The following SLC22A24 variants were observed in gnomAD, a reference collection of about 807,000 sequenced individuals.
SLC22A24 encodes the protein steroid transmembrane transporter SLC22A24.
A neutral mutation model predicts 49.8 loss-of-function variants in SLC22A24; 53 were observed. The observed-to-expected ratio is 1.06, with a 90% confidence interval of 0.85 to 1.34. The LOEUF is 1.34. Among genes scored for constraint, SLC22A24 ranks in the 40% most tolerant of loss-of-function variants. The probability of loss-of-function intolerance (pLI) is 0.00; values close to 1 mark genes in which losing one functional copy is unlikely to be tolerated. For missense variants in SLC22A24, 786 were observed against 675.9 expected (o/e 1.16, Z -1.81); for synonymous variants, 302 against 256.4 (o/e 1.18, Z -1.70).
intron 4 of SLC22A24, 96 bp from the exon 5 acceptor site, chr11:63,104,394 C>A: frequency 7.6e-7 from 1 of 1,313,028 alleles, no homozygotes; most frequent in Non-Finnish European, 1.0e-6. Context: ...TTAATACAGA[C>A]ATTATAAATT....
chr11:63,111,273 G>A (rs1180697391), intron 4 of SLC22A24, among the ~76,000 whole-genome samples: 3 of 151,760 alleles, frequency 2.0e-5, no homozygotes, highest in African/African-American at 2.4e-5. Context: ...GAGGATATTT[G>A]CATCAATGTT....
In SLC22A24 at chr11:63,119,344, T is replaced by C. The variant is rs748736693; in HGVS notation, c.507-9A>G. On this transcript the variant is annotated splice_polypyrimidine_tract_variant and intron_variant, in intron 2 of 9. Transcript: ENST00000612278. The stretch of plus-strand genomic sequence containing the variant: ...TGATCTTCCGTCCAACCCTAAGAAA[T>C]ATTAAACCAGATAACGTTACTTAGG... 1.5e-5 allele frequency: 22 copies of C among 1,515,002 alleles called. No homozygotes were observed. The highest frequency in any genetic ancestry group is 2.8e-5 in the African/African-American group (2 of 71,120). 93.8% of individuals were successfully genotyped at this position (1,515,002 alleles called of 1,614,324 possible). A position where few individuals can be genotyped will look rare whatever the true frequency, so the allele number is the denominator to read the frequency against.
intron 2 of SLC22A24, among the ~76,000 whole-genome samples, chr11:63,131,228 TC>T (rs1330083261): frequency 6.6e-6 from 1 of 152,154 alleles, no homozygotes; most frequent in Non-Finnish European, 1.5e-5. Flanking sequence ...TGACTCTTTA[TC>T]CAATTTGCCA....
At chr11:63,082,948 G>A (rs1042759343) in intron 7 of SLC22A24, among the ~76,000 whole-genome samples, 17 of 152,196 alleles carry the variant, frequency 1.1e-4, no homozygotes, top group Admixed American at 8.5e-4. Flanking sequence ...CATGTGCTTA[G>A]TTACTTTTCT....
chr11:63,080,756 G>A (rs1421910933), intron 9 of SLC22A24, among the ~76,000 whole-genome samples, 164 bp downstream of exon 9: 3 of 152,136 alleles, frequency 2.0e-5, no homozygotes, highest in Non-Finnish European at 4.4e-5. Flanking sequence ...TTGTGGATAG[G>A]GTAGGCTGCT....
At chr11:63,138,014 C>T (rs1011367733) in intron 1 of SLC22A24, 3 of 152,778 alleles carry the variant, frequency 2.0e-5, no homozygotes, top group African/African-American at 7.2e-5. Flanking sequence ...TAGGCTGTAG[C>T]ATATCTGGTA....
At position 63,095,975 on chromosome 11, in the gene SLC22A24, A is replaced by G. The variant is rs2087051642; in HGVS notation, c.1070+16T>C. ...CTCCAATATTTTAAAGTGAATCATC[A>G]CCAAATGGAACTTACCTCACAAAGC... On this transcript the variant is annotated intron_variant, in intron 6 of 9. Coordinates refer to ENST00000612278, the MANE Select transcript of SLC22A24 (RefSeq NM_001136506.2). The G allele has an allele frequency of 4.0e-6, 6 of 1,516,744 alleles. No homozygotes were observed. The highest frequency in any genetic ancestry group is 1.7e-4 in the Middle Eastern group (1 of 5,922). The allele number at this position is 1,516,744 out of a possible 1,614,324, so 94.0% of individuals were successfully genotyped here.
intron 4 of SLC22A24, among the ~76,000 whole-genome samples, chr11:63,106,873 T>G (rs190001007): frequency 2.7e-4 from 41 of 152,212 alleles, no homozygotes; most frequent in Middle Eastern, 3.4e-3. Context: ...CTCCGATTTT[T>G]TAGGTTGCCT....
At position 63,143,947 on chromosome 11, in the gene SLC22A24, A is replaced by G. The variant is rs1471785569; in HGVS notation, c.-168T>C. The G allele has an allele frequency of 6.5e-6, 3 of 458,278 alleles. No homozygotes were observed. Among genetic ancestry groups the G allele is most frequent in the African/African-American group, 6.0e-5 (3 of 49,640 alleles). The allele number at this position is 458,278 out of a possible 1,614,324, so 28.4% of individuals were successfully genotyped here. A position where few individuals can be genotyped will look rare whatever the true frequency, so the allele number is the denominator to read the frequency against. ...GAGTGGTGTGACACTACTGCAGAAG[A>G]GCAGTGGAAGGACTTTCCCCAAGTC... On this transcript the variant is annotated 5_prime_UTR_variant, in exon 1 of 10. Coordinates refer to ENST00000612278, the MANE Select transcript of SLC22A24 (RefSeq NM_001136506.2).
At chr11:63,111,718 T>A (rs887285269) in intron 4 of SLC22A24, among the ~76,000 whole-genome samples, 1 of 152,052 alleles carries the variant, frequency 6.6e-6, no homozygotes, top group Non-Finnish European at 1.5e-5. Flanking sequence ...TTTTTTATTG[T>A]GTCTATTTGA....
intron 1 of SLC22A24, among the ~76,000 whole-genome samples, chr11:63,140,744 A>T (rs1009300030): frequency 6.6e-6 from 1 of 152,224 alleles, no homozygotes; most frequent in African/African-American, 2.4e-5. Context: ...CTGGAGAAAC[A>T]GTTTGACATA....
At chr11:63,092,399 T>G (rs943174871) in intron 6 of SLC22A24, among the ~76,000 whole-genome samples, 3 of 142,484 alleles carry the variant, frequency 2.1e-5, no homozygotes, top group African/African-American at 7.6e-5. Context: ...TAGAAAAAAC[T>G]AGTTCAAATT....
intron 4 of SLC22A24, among the ~76,000 whole-genome samples, chr11:63,112,436 T>C (rs1480221341): frequency 6.6e-6 from 1 of 152,206 alleles, no homozygotes; most frequent in Non-Finnish European, 1.5e-5. Context: ...ATCTGTCTAA[T>C]GTTGATAGTG....
chr11:63,130,509 C>T (rs2087326174), intron 2 of SLC22A24, among the ~76,000 whole-genome samples: 1 of 152,144 alleles, frequency 6.6e-6, no homozygotes, highest in African/African-American at 2.4e-5. Context: ...AGGGAGGATT[C>T]TCTCTTTTTC....
intron 4 of SLC22A24, among the ~76,000 whole-genome samples, chr11:63,117,530 AC>A (rs2087220253): frequency 1.3e-5 from 2 of 151,898 alleles, no homozygotes; most frequent in South Asian, 4.2e-4. Context: ...CACCTCATCT[AC>A]CTCTTCTATC....
At chr11:63,104,707 C>T (rs1430619175) in intron 4 of SLC22A24, among the ~76,000 whole-genome samples, 1 of 152,164 alleles carries the variant, frequency 6.6e-6, no homozygotes, top group East Asian at 1.9e-4. Flanking sequence ...TCTCATGAGA[C>T]TTATTCACTA....
Position 63,119,098 on chromosome 11 carries a change from C to T in SLC22A24, c.662-18G>A. The T allele has an allele frequency of 1.3e-6, 2 of 1,536,014 alleles. No homozygotes were observed. The highest frequency in any genetic ancestry group is 1.8e-6 in the Non-Finnish European group (2 of 1,138,454). On this transcript the variant is annotated intron_variant, in intron 3 of 9. Coordinates refer to ENST00000612278, the MANE Select transcript of SLC22A24 (RefSeq NM_001136506.2). ...CTCTAAGCCTGGAAGAAAACATATA[C>T]ATAGTAATAATTTTAGACAAATGGT...
At chr11:63,081,166 G>A (rs1590725474) in intron 8 of SLC22A24, 43 bp from the exon 9 acceptor site, 1 of 1,458,964 alleles carries the variant, frequency 6.9e-7, no homozygotes, top group East Asian at 2.5e-5. Context: ...GTATGAATCT[G>A]TACATGTCAG....
chr11:63,082,923 T>G (rs947065821), intron 7 of SLC22A24, among the ~76,000 whole-genome samples: 2 of 152,140 alleles, frequency 1.3e-5, no homozygotes, highest in Non-Finnish European at 2.9e-5. Flanking sequence ...TATAAAAGGG[T>G]GATTAGCCAA....
Sources: allele counts gnomAD v4.1 joint callset (sites outside exome capture counted in the v4.1 genomes callset), GRCh38; gene constraint gnomAD v4.1.1; transcripts MANE v1.5; gene names NCBI Gene and HGNC (gene_info 2026-07-23, HGNC 2026-07-21).